VPS4A: variants seen among roughly 807,000 people sequenced by gnomAD.
VPS4A encodes the protein vacuolar protein sorting 4 homolog A, also known as vacuolar protein sorting-associated protein 4A.
Under a neutral mutation model 52.3 loss-of-function variants are expected in VPS4A, and 20 were observed. The observed-to-expected ratio is 0.38, with a 90% CI of 0.27 to 0.56. The LOEUF (loss-of-function observed/expected upper bound fraction) is 0.56. Among genes scored for constraint, VPS4A ranks in the 20% least tolerant of loss-of-function variants. The probability of loss-of-function intolerance (pLI) is 0.72; values close to 1 mark genes in which losing one functional copy is unlikely to be tolerated. For synonymous variants in VPS4A, 293 were observed against 227.7 expected (o/e 1.29, Z -2.58); for missense variants, 419 against 575.9 (o/e 0.73, Z 2.79).
intron 1 of VPS4A, among the ~76,000 whole-genome samples, 161 bp from the exon 2 acceptor site, chr16:69,315,847 T>C (rs114089399): frequency 0.021 from 3,218 of 152,258 alleles, 118 homozygotes; most frequent in African/African-American, 0.073. Flanking sequence ...TTTGAAGGCC[T>C]TTCTAGCCGA....
chr16:69,319,608 C>T, intron 6 of VPS4A, 65 bp downstream of exon 6: 2 of 1,551,114 alleles, frequency 1.3e-6, no homozygotes, highest in Non-Finnish European at 1.7e-6. Flanking sequence ...CAGCGGCCCA[C>T]CCTGTGGAGT....
In VPS4A at chr16:69,319,546, A is replaced by G; in HGVS notation, c.620+3A>G. The stretch of plus-strand genomic sequence containing the variant: ...AAGTGGCTGGGGGAGAGTGAAAAGT[A>G]AGTCGGCCACCAGGCCATGCTCTGC... On this transcript the variant is annotated splice_donor_region_variant and intron_variant, in intron 6 of 10. Transcript: ENST00000254950. 1 of 1,610,486 alleles carries G rather than the reference A, an allele frequency of 6.2e-7. No individual in the cohort carries two copies. The highest frequency in any genetic ancestry group is 8.5e-7 in the Non-Finnish European group (1 of 1,178,484).
Position 69,311,415 on chromosome 16 carries a change from C to T in VPS4A, c.-97C>T, listed in dbSNP as rs1965375189. 2 of 1,208,752 alleles carry T rather than the reference C, an allele frequency of 1.7e-6. No individual in the cohort carries two copies. The highest frequency in any genetic ancestry group is 1.0e-6 in the Non-Finnish European group (1 of 960,000). 74.9% of individuals were successfully genotyped at this position (1,208,752 alleles called of 1,614,324 possible). A position where few individuals can be genotyped will look rare whatever the true frequency, so the allele number is the denominator to read the frequency against. ...CGCGCACCGCGCTCAGCGCCCACCG[C>T]CGGGCTTCCCGCGCCGGACCCAGTA... On this transcript the variant is annotated 5_prime_UTR_variant, in exon 1 of 11. Transcript: ENST00000254950.
At position 69,311,366 on chromosome 16, in the gene VPS4A, C is replaced by A; in HGVS notation, c.-146C>A. The A allele has an allele frequency of 2.2e-6, 2 of 904,008 alleles. No homozygotes were observed. The highest frequency in any genetic ancestry group is 5.6e-5 in the South Asian group (1 of 17,990). The allele number at this position is 904,008 out of a possible 1,614,324, so 56.0% of individuals were successfully genotyped here. On this transcript the variant is annotated 5_prime_UTR_variant, in exon 1 of 11. Coordinates refer to ENST00000254950, the MANE Select transcript of VPS4A (RefSeq NM_013245.3). ...TCCTCGCTTGCCCTCGGACTCGGCT[C>A]CCGCTGCGAGCGGCCGCCCTGCCCG...
Position 69,324,518 on chromosome 16 carries a change from G to A in VPS4A, c.*209G>A. 1 of 573,074 alleles carries A rather than the reference G, an allele frequency of 1.7e-6. No individual in the cohort carries two copies. Among genetic ancestry groups the A allele is most frequent in the Non-Finnish European group, 3.1e-6 (1 of 319,552 alleles). 35.5% of individuals were successfully genotyped at this position (573,074 alleles called of 1,614,324 possible). A position where few individuals can be genotyped will look rare whatever the true frequency, so the allele number is the denominator to read the frequency against. On this transcript the variant is annotated 3_prime_UTR_variant, in exon 11 of 11. Transcript: ENST00000254950. ...TGCCCTGGGGCACACAGTGGACACT[G>A]CTCTTCCTACTTCCTCCTCTCCTGG...
rs187278188 is a variant in VPS4A, at chr16:69,322,945, G to A, written c.1212+245G>A. Reference sequence around the variant, plus strand: ...TAGCCGGGTGTGGTGGTGTGCACTTGTAGTCCCAGCTACTCAGGAGGCTGA... The same window carrying A: ...TAGCCGGGTGTGGTGGTGTGCACTTATAGTCCCAGCTACTCAGGAGGCTGA... On this transcript the variant is annotated intron_variant, in intron 10 of 10. Transcript: ENST00000254950. 12 of 268,710 alleles carry A rather than the reference G, an allele frequency of 4.5e-5. No homozygotes were observed. In the East Asian group the frequency reaches 9.7e-4, roughly 22 times the overall value. The allele number at this position is 268,710 out of a possible 1,614,324, so 16.6% of individuals were successfully genotyped here.
Position 69,324,369 on chromosome 16 carries a change from T to G in VPS4A, c.*60T>G. 6.5e-7 allele frequency: 1 copy of G among 1,534,004 alleles called. No individual in the cohort carries two copies. On this transcript the variant is annotated 3_prime_UTR_variant, in exon 11 of 11. Coordinates refer to ENST00000254950, the MANE Select transcript of VPS4A (RefSeq NM_013245.3). ...GGTTGATTGGGGCAAATCCAGGCAC[T>G]CCCCATGTCAACAGCCAGACAGGGC...
At chr16:69,316,473 C>T in intron 3 of VPS4A, 101 bp downstream of exon 3, 2 of 1,494,222 alleles carry the variant, frequency 1.3e-6, no homozygotes, top group South Asian at 1.3e-5. Context: ...GGGAATGGTC[C>T]TCATAGTGCA....
At chr16:69,313,155 G>C (rs1048078604) in intron 1 of VPS4A, among the ~76,000 whole-genome samples, 4 of 151,426 alleles carry the variant, frequency 2.6e-5, no homozygotes, top group African/African-American at 9.7e-5. Flanking sequence ...ATATTTTTTT[G>C]TATTTTTAGT....
In VPS4A at chr16:69,324,210, G is replaced by T. The variant is rs144999390; in HGVS notation, c.1215G>T (p.Ser405=). ...DKLLEPVVCM[S]DMLRSLATTR... ...GGCACATACTGTTGCCTTCACAGTCGGACATGCTGCGGTCTCTGGCCACCA... is the reference window on the plus strand; with the variant it reads ...GGCACATACTGTTGCCTTCACAGTCTGACATGCTGCGGTCTCTGGCCACCA... The change falls in exon 11 of 11, where the codon TCG becomes TCT. Residue 405 remains serine, a splice_region_variant and synonymous_variant. Coordinates refer to ENST00000254950, the MANE Select transcript of VPS4A (RefSeq NM_013245.3). The T allele has an allele frequency of 4.3e-6, 7 of 1,612,926 alleles. No individual in the cohort carries two copies. Among genetic ancestry groups the T allele is most frequent in the African/African-American group, 1.3e-5 (1 of 75,052 alleles).
chr16:69,320,065 GAA>G lies in VPS4A; in HGVS notation c.621-75_621-74del. 6.6e-7 allele frequency: 1 copy of G among 1,519,616 alleles called. No individual in the cohort carries two copies. The highest frequency in any genetic ancestry group is 8.9e-7 in the Non-Finnish European group (1 of 1,124,492). The allele number at this position is 1,519,616 out of a possible 1,614,324, so 94.1% of individuals were successfully genotyped here. ...CTGCGCCTCCCTGTGGGAAGGGTGA[GAA>G]GAGGGAAGTGCCGGGAGCCCAGGCG... On this transcript the variant is annotated intron_variant, in intron 6 of 10. Coordinates refer to ENST00000254950, the MANE Select transcript of VPS4A (RefSeq NM_013245.3). The surrounding 1 kb of genome is among the most constrained non-coding windows in gnomAD (Gnocchi z 4.2).
At chr16:69,323,089 T>A (rs1965534662) in intron 10 of VPS4A, 1 of 164,956 alleles carries the variant, frequency 6.1e-6, no homozygotes, top group Admixed American at 6.0e-5. Flanking sequence ...ATAGTCTTCT[T>A]CTATGTCCTG....
At position 69,322,673 on chromosome 16, in the gene VPS4A, C is replaced by G; in HGVS notation, c.1185C>G (p.Asp395Glu). The change falls in exon 10 of 11, where the codon GAC (aspartate) becomes GAG (glutamate). Residue 395 changes from aspartate (D) to glutamate (E), a missense_variant. Around this residue, in one of 3 missense-constraint regions of VPS4A, gnomAD observed 185 missense variants for 200.2 expected, o/e 0.92. Transcript: ENST00000254950. ...MEMTWMDVPG[D>E]KLLEPVVCMS... ...TGACTTGGATGGATGTCCCTGGGGA[C>G]AAACTCTTAGAGCCTGTGGTTTGCA... 6.2e-7 allele frequency: 1 copy of G among 1,613,784 alleles called. No homozygotes were observed. The highest frequency in any genetic ancestry group is 1.3e-5 in the African/African-American group (1 of 75,024).
chr16:69,325,395 CGGT>C lies in VPS4A; in HGVS notation c.*1089_*1091del, dbSNP rs1965577400. 1 of 149,998 alleles carries C rather than the reference CGGT, an allele frequency of 6.7e-6. No homozygotes were observed. Among genetic ancestry groups the C allele is most frequent in the Non-Finnish European group, 1.5e-5 (1 of 67,646 alleles). The allele number at this position is 149,998 out of a possible 1,614,324, so 9.3% of individuals were successfully genotyped here. A position where few individuals can be genotyped will look rare whatever the true frequency, so the allele number is the denominator to read the frequency against. The stretch of plus-strand genomic sequence containing the variant: ...TTTAAAAGTCGAGAGTTGCTGGGCG[CGGT>C]GGCTCACGCCTGTAATCCCAGCACT... On this transcript the variant is annotated 3_prime_UTR_variant, in exon 11 of 11. Transcript: ENST00000254950.
At chr16:69,319,064 G>A in intron 5 of VPS4A, 122 bp downstream of exon 5, 1 of 1,406,126 alleles carries the variant, frequency 7.1e-7, no homozygotes. Context: ...GGCCAGGCCT[G>A]GCTGCTCGCT....
In VPS4A at chr16:69,326,855, T is replaced by C. The variant is rs1025308432; in HGVS notation, c.*2546T>C. 9 of 152,168 alleles carry C rather than the reference T, an allele frequency of 5.9e-5. No homozygotes were observed. Among genetic ancestry groups the C allele is most frequent in the Non-Finnish European group, 4.4e-5 (3 of 67,888 alleles). 9.4% of individuals were successfully genotyped at this position (152,168 alleles called of 1,614,324 possible). On this transcript the variant is annotated 3_prime_UTR_variant, in exon 11 of 11. Coordinates refer to ENST00000254950, the MANE Select transcript of VPS4A (RefSeq NM_013245.3). ...CTCTGATGAGCTCACAACGTTGACA[T>C]GTATATGCGTTTTTTGTGAGTGCTT...
chr16:69,320,503 C>T lies in VPS4A; in HGVS notation c.770-185C>T, dbSNP rs1033131894. 1 of 808,268 alleles carries T rather than the reference C, an allele frequency of 1.2e-6. No individual in the cohort carries two copies. The highest frequency in any genetic ancestry group is 3.7e-4 in the Middle Eastern group (1 of 2,736). The allele number at this position is 808,268 out of a possible 1,614,324, so 50.1% of individuals were successfully genotyped here. On this transcript the variant is annotated intron_variant, in intron 7 of 10. Transcript: ENST00000254950. The surrounding 1 kb of genome is among the most constrained non-coding windows in gnomAD (Gnocchi z 4.2). ...CCACCCCTCCCATGGCAGGCAGTGC[C>T]ATAGGTCTCACCTGGCACAGCCAGA... is the stretch of plus-strand genomic sequence containing the variant.
At chr16:69,323,871 A>G (rs542916636) in intron 10 of VPS4A, among the ~76,000 whole-genome samples, 2 of 147,604 alleles carry the variant, frequency 1.4e-5, no homozygotes, top group African/African-American at 5.1e-5. Flanking sequence ...AGTCACTTGA[A>G]CCGAGGAGGT....
At chr16:69,313,783 C>G (rs1436672826) in intron 1 of VPS4A, among the ~76,000 whole-genome samples, 1 of 152,166 alleles carries the variant, frequency 6.6e-6, no homozygotes, top group Non-Finnish European at 1.5e-5. Flanking sequence ...CCATCTGGTC[C>G]TTTACAGTAA....
Sources: gnomAD v4.1 joint callset for allele counts (sites outside exome capture counted in the v4.1 genomes callset) on GRCh38, gnomAD v4.1.1 for gene constraint, gnomAD v4.1.1 regional missense constraint, Gnocchi (gnomAD v3.1) non-coding constraint, MANE v1.5 for transcripts, NCBI Gene and HGNC (gene_info 2026-07-23, HGNC 2026-07-21) for gene names.